The following WDR1 variants were observed in gnomAD, a reference collection of about 807,000 sequenced individuals.
WDR1 encodes the protein WD repeat-containing protein 1.
A neutral mutation model predicts 71.9 loss-of-function variants in WDR1; 21 were observed. The observed-to-expected ratio is 0.29, with a 90% CI of 0.21 to 0.42. WDR1 has a LOEUF of 0.42. Ranked by LOEUF, WDR1 falls within the 10% of genes least tolerant of loss-of-function variation. The pLI is 1.00. For missense variants in WDR1, 696 were observed against 824.5 expected, an observed-to-expected ratio of 0.84 and a Z score of 1.91; for synonymous variants, 424 against 347.4, an observed-to-expected ratio of 1.22 and a Z score of -2.45.
chr4:10,103,490 T>C (rs1327974261), intron 3 of WDR1, among the ~76,000 whole-genome samples: 1 of 152,170 alleles, frequency 6.6e-6, no homozygotes, highest in Non-Finnish European at 1.5e-5. Flanking sequence ...AAAAGGGGCA[T>C]TTTGGTAGCT....
chr4:10,109,761 T>G (rs546769905), intron 2 of WDR1, among the ~76,000 whole-genome samples: 1 of 152,130 alleles, frequency 6.6e-6, no homozygotes, highest in African/African-American at 2.4e-5. Flanking sequence ...GTTGCAAAGG[T>G]AGACCTGGGG....
chr4:10,112,974 T>C (rs1244744948), intron 2 of WDR1, among the ~76,000 whole-genome samples: 1 of 152,196 alleles, frequency 6.6e-6, no homozygotes, highest in Non-Finnish European at 1.5e-5. Flanking sequence ...TCCTACTTAT[T>C]GTCAGCAATG....
At chr4:10,083,821 C>T (rs1446932987) in intron 9 of WDR1, among the ~76,000 whole-genome samples, 1 of 152,172 alleles carries the variant, frequency 6.6e-6, no homozygotes, top group African/African-American at 2.4e-5. Flanking sequence ...CAGAAGCCCC[C>T]ATCATCAGGG....
intron 2 of WDR1, among the ~76,000 whole-genome samples, chr4:10,112,872 C>G (rs538878116): frequency 5.3e-4 from 81 of 152,228 alleles, no homozygotes; most frequent in Non-Finnish European, 8.2e-4. Context: ...GGGGAAAGCC[C>G]TGCTGGCCTG....
rs112619115 is a variant in WDR1, at chr4:10,084,670, C to CT, written c.952-141_952-140insA. ...CATGGCAGTGCAGGTGCTCTGAGGC[C>CT]CCAGTAGCCCCAGCTGCCCGAATGC... On this transcript the variant is annotated intron_variant, in intron 8 of 14. Transcript: ENST00000499869. The CT allele has an allele frequency of 6.7e-3, 4,927 of 740,510 alleles. 180 individuals are homozygous for CT. The African/African-American group carries it at 0.076, about 11-fold the overall frequency. 45.9% of individuals were successfully genotyped at this position (740,510 alleles called of 1,614,324 possible). A position where few individuals can be genotyped will look rare whatever the true frequency, so the allele number is the denominator to read the frequency against.
chr4:10,114,328 T>A (rs1713576072), intron 2 of WDR1, among the ~76,000 whole-genome samples: 1 of 152,222 alleles, frequency 6.6e-6, no homozygotes, highest in Admixed American at 6.5e-5. Flanking sequence ...GGAAATGCTT[T>A]CTGCAAAGGG....
chr4:10,101,061 C>T (rs551584739), intron 3 of WDR1, among the ~76,000 whole-genome samples: 17 of 152,388 alleles, frequency 1.1e-4, no homozygotes, highest in African/African-American at 1.9e-4. Flanking sequence ...CCAAACCACA[C>T]GCCTGTCACA....
chr4:10,076,952 C>T (rs769335433), intron 14 of WDR1: 23 of 220,786 alleles, frequency 1.0e-4, no homozygotes, highest in African/African-American at 1.8e-4. Context: ...GAAATTTCAA[C>T]GCCACATGAG....
At chr4:10,103,826 G>T in intron 3 of WDR1, 70 bp downstream of exon 3, 1 of 733,272 alleles carries the variant, frequency 1.4e-6, no homozygotes, top group Non-Finnish European at 2.0e-6. Flanking sequence ...CAGAAGCCCA[G>T]CTTCGCCCTG....
At chr4:10,082,906 G>T in intron 10 of WDR1, 116 bp downstream of exon 10, 3 of 1,314,116 alleles carry the variant, frequency 2.3e-6, no homozygotes, top group East Asian at 2.4e-5. Context: ...GGACGGGGTG[G>T]GAGAGATGAA....
rs371374500 is a variant in WDR1 at position 10,103,838 on chromosome 4, G to C, written c.229+58C>G. 1.1e-4 allele frequency: 167 copies of C among 1,483,594 alleles called. No homozygotes were observed. The East Asian group carries it at 3.4e-3, about 30-fold the overall frequency. The allele number at this position is 1,483,594 out of a possible 1,614,324, so 91.9% of individuals were successfully genotyped here. A position where few individuals can be genotyped will look rare whatever the true frequency, so the allele number is the denominator to read the frequency against. On this transcript the variant is annotated intron_variant, in intron 3 of 14. Transcript: ENST00000499869. ...GGCCAGAAGCCCAGCTTCGCCCTGG[G>C]CCCTGAGCGCCACCCAGGCCCCCAC...
In WDR1 at chr4:10,088,340, C is replaced by G. The variant is rs1337335210; in HGVS notation, c.670G>C (p.Val224Leu). 13 of 1,559,622 alleles carry G rather than the reference C, an allele frequency of 8.3e-6. No homozygotes were observed. The highest frequency in any genetic ancestry group is 1.0e-5 in the Non-Finnish European group (12 of 1,151,292). The change falls in exon 7 of 15, where the codon GTG (valine) becomes CTG (leucine). Residue 224 changes from valine (V) to leucine (L), a missense_variant. Physicochemically the swap from Val to Leu is conservative, Grantham distance 32. Coordinates refer to ENST00000499869, the MANE Select transcript of WDR1 (RefSeq NM_017491.5). ...YIYDGKTGEK[V>L]CALGGSKAHD... ...GCCTTGCTTCCGCCCAGCGCGCACA[C>G]CTTCTCCCCAGTCTTCCCGTCATAG... is the stretch of plus-strand genomic sequence containing the variant.
chr4:10,077,280 C>G (rs1221362474), intron 14 of WDR1, 24 bp downstream of exon 14: 1 of 1,613,216 alleles, frequency 6.2e-7, no homozygotes, highest in Non-Finnish European at 8.5e-7. Flanking sequence ...GTGGTCCCTG[C>G]CAAGGCCTGG....
chr4:10,096,879 G>T (rs1712379422), intron 5 of WDR1, among the ~76,000 whole-genome samples: 1 of 152,174 alleles, frequency 6.6e-6, no homozygotes, highest in Non-Finnish European at 1.5e-5. Flanking sequence ...GCATTTCCGG[G>T]TCCATTGTTC....
chr4:10,086,191 G>C (rs1040802435), intron 8 of WDR1, among the ~76,000 whole-genome samples: 2 of 152,172 alleles, frequency 1.3e-5, no homozygotes, highest in African/African-American at 2.4e-5. Context: ...AGGCCCACTG[G>C]AGCATGGTCT....
intron 6 of WDR1, 91 bp from the exon 7 acceptor site, chr4:10,088,464 G>C (rs1157082025): frequency 4.5e-6 from 6 of 1,342,796 alleles, no homozygotes; most frequent in Non-Finnish European, 5.2e-6. Flanking sequence ...TAGAAAACCG[G>C]GGCTCACAGA....
At chr4:10,116,463 G>T in intron 1 of WDR1, 188 bp downstream of exon 1, 1 of 759,996 alleles carries the variant, frequency 1.3e-6, no homozygotes, top group Non-Finnish European at 1.8e-6. Flanking sequence ...GCGCCAACTT[G>T]GGGGCGCACC....
At chr4:10,114,823 C>A (rs762518455) in intron 2 of WDR1, among the ~76,000 whole-genome samples, 2 of 152,194 alleles carry the variant, frequency 1.3e-5, no homozygotes, top group Non-Finnish European at 2.9e-5. Context: ...CACCCGCCCA[C>A]CCCCTCATTT....
At chr4:10,098,119 G>T (rs1712466082) in intron 4 of WDR1, among the ~76,000 whole-genome samples, 1 of 152,078 alleles carries the variant, frequency 6.6e-6, no homozygotes, top group African/African-American at 2.4e-5. Flanking sequence ...GGCGCCTTCG[G>T]GAAGGGGATG....
Sources: allele counts gnomAD v4.1 joint callset (sites outside exome capture counted in the v4.1 genomes callset), GRCh38; gene constraint gnomAD v4.1.1; transcripts MANE v1.5; gene names NCBI Gene and HGNC (gene_info 2026-07-23, HGNC 2026-07-21).